Variants in ZNF254 observed in about 807,000 individuals in gnomAD.
The protein encoded by ZNF254 is CTD-2017D11.1.
In ZNF254, 10 loss-of-function variants were observed where a neutral mutation model predicts 12.4. The ratio of observed to expected loss-of-function variants is 0.80; its 90% confidence interval spans 0.50 to 1.36. The LOEUF (loss-of-function observed/expected upper bound fraction) is 1.36, where lower values mean the gene tolerates loss of function less well. Among genes scored for constraint, ZNF254 ranks in the 40% most tolerant of loss-of-function variants. The probability of loss-of-function intolerance (pLI) is 0.00; values close to 1 mark genes in which losing one functional copy is unlikely to be tolerated. For synonymous variants in ZNF254, 305 were observed against 253.4 expected (o/e 1.20, Z -1.93); for missense variants, 996 against 763.9 (o/e 1.30, Z -3.58).
At chr19:24,062,357 A>C (rs1971109695) in intron 2 of ZNF254, among the ~76,000 whole-genome samples, 1 of 152,208 alleles carries the variant, frequency 6.6e-6, no homozygotes, top group Non-Finnish European at 1.5e-5. Flanking sequence ...GTCCATACTT[A>C]AAATTGTGAC....
At chr19:24,091,628 G>C (rs1431995843) in intron 1 of ZNF254, among the ~76,000 whole-genome samples, 1 of 152,040 alleles carries the variant, frequency 6.6e-6, no homozygotes, top group Non-Finnish European at 1.5e-5. Flanking sequence ...GAGTAGCTGA[G>C]ACTGCAGGCC....
chr19:24,044,733 A>G (rs1970313653), intron 1 of ZNF254, among the ~76,000 whole-genome samples: 1 of 152,200 alleles, frequency 6.6e-6, no homozygotes, highest in Admixed American at 6.5e-5. Flanking sequence ...CAGGTCACTC[A>G]TAAGTCAGAA....
chr19:24,037,111 C>T (rs1359192467), intron 1 of ZNF254, among the ~76,000 whole-genome samples: 1 of 152,194 alleles, frequency 6.6e-6, no homozygotes, highest in East Asian at 1.9e-4. Flanking sequence ...AGAACATAAC[C>T]CTGCCTGAAT....
At chr19:24,088,778 G>A (rs1972182552) in intron 1 of ZNF254, among the ~76,000 whole-genome samples, 1 of 151,292 alleles carries the variant, frequency 6.6e-6, no homozygotes, top group Non-Finnish European at 1.5e-5. Flanking sequence ...TGTCTCAGTC[G>A]CCCAAGTAGC....
chr19:24,085,426 A>ATATATATATAT (rs369443689), upstream of ZNF254, among the ~76,000 whole-genome samples: 4 of 105,644 alleles, frequency 3.8e-5, no homozygotes, highest in Non-Finnish European at 3.8e-5. Flanking sequence ...ATATATATAT[A>ATATATATATAT]AAAACTAAGA....
intron 1 of ZNF254, among the ~76,000 whole-genome samples, chr19:24,034,337 C>T (rs117117437): frequency 0.014 from 2,076 of 152,154 alleles, 26 homozygotes; most frequent in Non-Finnish European, 0.023. Context: ...AGAGAAGCTG[C>T]AGAGCCCTGA....
At chr19:24,087,426 C>A in intron 1 of ZNF254, 89 bp downstream of exon 1, 4 of 1,532,270 alleles carry the variant, frequency 2.6e-6, no homozygotes, top group Non-Finnish European at 2.7e-6. Flanking sequence ...AGGCCTCCCC[C>A]CAGTCAGCTC....
intron 2 of ZNF254, among the ~76,000 whole-genome samples, chr19:24,077,772 CAGGGTGTGTGTGTCTAA>C (rs1304863315): frequency 6.6e-6 from 1 of 151,802 alleles, no homozygotes; most frequent in East Asian, 1.9e-4. Flanking sequence ...TCTTGTGATA[CAGGGTGTGTGTGTCTAA>C]AGGAGTGGAG....
chr19:24,105,837 T>G, intron 1 of ZNF254, 103 bp from the exon 2 acceptor site: 1 of 1,491,512 alleles, frequency 6.7e-7, no homozygotes, highest in African/African-American at 1.4e-5. Flanking sequence ...ATCACTCTTA[T>G]AAGTCAGAAC....
intron 1 of ZNF254, among the ~76,000 whole-genome samples, chr19:24,043,415 C>T (rs559844075): frequency 6.6e-6 from 1 of 152,180 alleles, no homozygotes; most frequent in South Asian, 2.1e-4. Flanking sequence ...GTGCATGCCA[C>T]CATGCCTGGC....
At chr19:24,111,861 A>G (rs1434312740) in intron 3 of ZNF254, among the ~76,000 whole-genome samples, 1 of 151,820 alleles carries the variant, frequency 6.6e-6, no homozygotes, top group Non-Finnish European at 1.5e-5. Context: ...CCTTTGTCAG[A>G]TGAGTAGGTT....
chr19:24,121,809 C>G (rs1224396010), intron 3 of ZNF254, among the ~76,000 whole-genome samples: 1 of 152,100 alleles, frequency 6.6e-6, no homozygotes, highest in Non-Finnish European at 1.5e-5. Flanking sequence ...CCCTCTTCAG[C>G]CTCCCAAAGT....
chr19:24,118,688 CA>C, intron 3 of ZNF254, among the ~76,000 whole-genome samples: 1 of 152,066 alleles, frequency 6.6e-6, no homozygotes, highest in East Asian at 1.9e-4. Context: ...CTTACATATG[CA>C]GAAATTTGGA....
chr19:24,087,249 C>G lies in ZNF254; in HGVS notation c.-59C>G. ...TCTTCACTGCTCTGTGTCCTCTGCTCCTAGAGGCCCAGCCTCTGTGGCGCT... is the reference window on the plus strand; with the variant it reads ...TCTTCACTGCTCTGTGTCCTCTGCTGCTAGAGGCCCAGCCTCTGTGGCGCT... On this transcript the variant is annotated 5_prime_UTR_variant, in exon 1 of 4. Coordinates refer to ENST00000357002, the MANE Select transcript of ZNF254 (RefSeq NM_203282.4). 2 of 1,610,670 alleles carry G rather than the reference C, an allele frequency of 1.2e-6. No homozygotes were observed. The highest frequency in any genetic ancestry group is 1.7e-6 in the Non-Finnish European group (2 of 1,177,630).
intron 1 of ZNF254, among the ~76,000 whole-genome samples, chr19:24,035,649 G>C (rs1969938256): frequency 1.3e-5 from 2 of 152,116 alleles, no homozygotes; most frequent in Admixed American, 6.5e-5. Context: ...CTCTAGCCTG[G>C]TGACAGAGCG....
At chr19:24,124,550 T>A (rs766686432) in intron 3 of ZNF254, among the ~76,000 whole-genome samples, 1 of 152,138 alleles carries the variant, frequency 6.6e-6, no homozygotes, top group Non-Finnish European at 1.5e-5. Flanking sequence ...TCCAATATAC[T>A]TTTTTAGAAT....
intron 3 of ZNF254, among the ~76,000 whole-genome samples, chr19:24,124,453 A>T (rs1435611578): frequency 6.6e-6 from 1 of 152,136 alleles, no homozygotes; most frequent in Non-Finnish European, 1.5e-5. Flanking sequence ...ATGTATTTTT[A>T]TATGATTCTG....
upstream of ZNF254, among the ~76,000 whole-genome samples, chr19:24,085,611 A>G (rs1469078071): frequency 6.6e-6 from 1 of 151,500 alleles, no homozygotes; most frequent in Non-Finnish European, 1.5e-5. Flanking sequence ...GTCCCTACTT[A>G]AAATACAGAA....
rs765150330 is a variant in ZNF254, at chr19:24,127,334, G to T, written c.1334G>T (p.Trp445Leu). The T allele has an allele frequency of 6.2e-7, 1 of 1,612,616 alleles. No homozygotes were observed. Residue 445 changes from tryptophan to leucine, a missense_variant, in exon 4 of 4, where the codon TGG becomes TTG. Coordinates refer to ENST00000357002, the MANE Select transcript of ZNF254 (RefSeq NM_203282.4). Reference sequence around the variant, plus strand: ...GAAGAATGTGGCAAAGCATTTATCTGGTCCTCAACCCTTACTAAACATAAG... The same window carrying T: ...GAAGAATGTGGCAAAGCATTTATCTTGTCCTCAACCCTTACTAAACATAAG... The part of the protein sequence containing the change: ...KCEECGKAFI[W>L]SSTLTKHKRI...
Sources: allele counts gnomAD v4.1 joint callset (sites outside exome capture counted in the v4.1 genomes callset), GRCh38; gene constraint gnomAD v4.1.1; transcripts MANE v1.5; gene names NCBI Gene and HGNC (gene_info 2026-07-23, HGNC 2026-07-21).